APBA1: variants seen among roughly 807,000 people sequenced by gnomAD.
The protein encoded by APBA1 is amyloid-beta A4 precursor protein-binding family A member 1.
Under a neutral mutation model 86.6 loss-of-function variants are expected in APBA1, and 55 were observed. The ratio of observed to expected loss-of-function variants is 0.64; its 90% confidence interval spans 0.51 to 0.80. The LOEUF (loss-of-function observed/expected upper bound fraction) is 0.80. Ranked by LOEUF, APBA1 falls within the 30% of genes least tolerant of loss-of-function variation. The probability of loss-of-function intolerance (pLI) is 0.00; values close to 1 mark genes in which losing one functional copy is unlikely to be tolerated. For synonymous variants in APBA1, 511 were observed against 493.9 expected (o/e 1.03, Z -0.46); for missense variants, 1,090 against 1,183.0 (o/e 0.92, Z 1.15).
chr9:69,467,988 A>T lies in APBA1; in HGVS notation c.1337-20T>A. ...CCGGAACTGTAACACATAGAGCCAC[A>T]GTGAGGAAGCCATCCTGGGGTGGGG... On this transcript the variant is annotated intron_variant, in intron 4 of 12. Coordinates refer to ENST00000265381, the MANE Select transcript of APBA1 (RefSeq NM_001163.4). The T allele has an allele frequency of 6.2e-7, 1 of 1,611,256 alleles. No homozygotes were observed.
At position 69,456,169 on chromosome 9, in the gene APBA1, T is replaced by C; in HGVS notation, c.1788+78A>G. On this transcript the variant is annotated intron_variant, in intron 8 of 12. Coordinates refer to ENST00000265381, the MANE Select transcript of APBA1 (RefSeq NM_001163.4). ...GCACAATAAATACATGCATCATGTG[T>C]GATGAATTAGACTGAATCAGGTTCT... 3 of 1,455,410 alleles carry C rather than the reference T, an allele frequency of 2.1e-6. No homozygotes were observed. The East Asian group carries it at 6.8e-5, about 33-fold the overall frequency. 90.2% of individuals were successfully genotyped at this position (1,455,410 alleles called of 1,614,324 possible).
intron 10 of APBA1, among the ~76,000 whole-genome samples, chr9:69,444,172 T>C (rs1307807044): frequency 6.6e-6 from 1 of 152,218 alleles, no homozygotes; most frequent in Non-Finnish European, 1.5e-5. Flanking sequence ...CGATGTACCA[T>C]GCGACTTAGC....
At chr9:69,622,970 A>C (rs1198478515) in intron 1 of APBA1, among the ~76,000 whole-genome samples, 1 of 152,212 alleles carries the variant, frequency 6.6e-6, no homozygotes, top group Non-Finnish European at 1.5e-5. Flanking sequence ...CAGAATCTGC[A>C]AGAATGACTT....
At chr9:69,660,906 T>C (rs759069073) in intron 1 of APBA1, among the ~76,000 whole-genome samples, 8 of 151,932 alleles carry the variant, frequency 5.3e-5, no homozygotes, top group Admixed American at 6.6e-5. Flanking sequence ...GAATCCAGAG[T>C]GGTACAAAGC....
intron 1 of APBA1, among the ~76,000 whole-genome samples, chr9:69,597,224 A>G (rs530447885): frequency 1.3e-5 from 2 of 152,254 alleles, no homozygotes; most frequent in South Asian, 4.1e-4. Flanking sequence ...GGTGTGAGAT[A>G]GTATCTCATT....
chr9:69,549,703 T>A (rs1302464750), intron 1 of APBA1, among the ~76,000 whole-genome samples: 1 of 152,072 alleles, frequency 6.6e-6, no homozygotes, highest in African/African-American at 2.4e-5. Flanking sequence ...TTATAAAGTG[T>A]CCGAGGAAGA....
chr9:69,636,227 A>G (rs1322362313), intron 1 of APBA1, among the ~76,000 whole-genome samples: 1 of 152,260 alleles, frequency 6.6e-6, no homozygotes, highest in African/African-American at 2.4e-5. Context: ...AATGACTTTT[A>G]TCCAAAAGAC....
rs374444510 is a variant in APBA1 at position 69,577,275 on chromosome 9, G to A, written c.-69-59996C>T. 1.9e-3 allele frequency among the ~76,000 whole-genome samples: 289 copies of A among 152,218 alleles called. 2 individuals carry two copies. Among genetic ancestry groups the A allele is most frequent in the South Asian group, 0.013 (61 of 4,820 alleles). The stretch of plus-strand genomic sequence containing the variant: ...ATTTTATTGAGTAAATAATCAACTT[G>A]GTCTATGTGAAGAAAATATTGAGTC... On this transcript the variant is annotated intron_variant, in intron 1 of 12. Transcript: ENST00000265381.
At chr9:69,652,384 G>A (rs1823523368) in intron 1 of APBA1, among the ~76,000 whole-genome samples, 1 of 152,118 alleles carries the variant, frequency 6.6e-6, no homozygotes, top group African/African-American at 2.4e-5. Context: ...AGGGGTACAG[G>A]GAGGGGGATA....
At chr9:69,501,715 C>T (rs990218389) in intron 2 of APBA1, among the ~76,000 whole-genome samples, 1 of 151,422 alleles carries the variant, frequency 6.6e-6, no homozygotes, top group Non-Finnish European at 1.5e-5. Flanking sequence ...GTAGCCCTAG[C>T]TAGTAGGTAG....
At chr9:69,581,663 C>T (rs6559643) in intron 1 of APBA1, among the ~76,000 whole-genome samples, 45,044 of 151,988 alleles carry the variant, frequency 0.3, 6,938 homozygotes, top group South Asian at 0.41. Context: ...GAAGAATATT[C>T]CCCACTGACA....
chr9:69,671,337 T>C (rs888601), intron 1 of APBA1, among the ~76,000 whole-genome samples: 148,372 of 152,218 alleles, frequency 0.97, 72,420 homozygotes, highest in East Asian at 1. Flanking sequence ...ACCAGGTACA[T>C]TAGCAAGCCC....
intron 11 of APBA1, among the ~76,000 whole-genome samples, chr9:69,439,632 A>G (rs113838005): frequency 6.6e-6 from 1 of 152,166 alleles, no homozygotes; most frequent in African/African-American, 2.4e-5. Context: ...TTTCAGCTCC[A>G]TCAGGTCCTT....
At chr9:69,634,834 C>A (rs1376784026) in intron 1 of APBA1, among the ~76,000 whole-genome samples, 6 of 12,446 alleles carry the variant, frequency 4.8e-4, no homozygotes, top group Admixed American at 4.5e-3. Context: ...ATTTAAAGTG[C>A]AGAAGGAAAA....
chr9:69,630,585 C>T lies in APBA1; in HGVS notation c.-70+41568G>A, dbSNP rs578239618. On this transcript the variant is annotated intron_variant, in intron 1 of 12. Transcript: ENST00000265381. ...TTACTCCAATTGGATCACTCCCCAA[C>T]ACTTCTCTTGAAGGTCACCAATGAT... Among the ~76,000 whole-genome samples the T allele has an allele frequency of 3.9e-4, 59 of 152,126 alleles. 3 individuals are homozygous for T. Among genetic ancestry groups the T allele is most frequent in the Non-Finnish European group, 1.5e-5 (1 of 68,016 alleles).
intron 11 of APBA1, among the ~76,000 whole-genome samples, chr9:69,434,135 C>A (rs1834653945): frequency 6.6e-6 from 1 of 152,222 alleles, no homozygotes; most frequent in African/African-American, 2.4e-5. Flanking sequence ...ACTGTGGGAA[C>A]TGAGCCGGCC....
rs576364807 is a variant in APBA1 at position 69,453,589 on chromosome 9, T to C, written c.1789-1288A>G. 2.0e-5 allele frequency among the ~76,000 whole-genome samples: 3 copies of C among 152,382 alleles called. No homozygotes were observed. In the South Asian group the frequency reaches 6.2e-4, roughly 32 times the overall value. On this transcript the variant is annotated intron_variant, in intron 8 of 12. Transcript: ENST00000265381. Reference sequence around the variant, plus strand: ...TCACTGAATCTGCATATCGATTCTATGACAGCTATTAGTATGACTGGTCCA... The same window carrying C: ...TCACTGAATCTGCATATCGATTCTACGACAGCTATTAGTATGACTGGTCCA...
intron 1 of APBA1, among the ~76,000 whole-genome samples, chr9:69,654,547 T>C (rs1823571978): frequency 6.6e-6 from 1 of 152,018 alleles, no homozygotes; most frequent in Non-Finnish European, 1.5e-5. Context: ...AGTAATGAGA[T>C]TGAAGCAGTA....
intron 1 of APBA1, among the ~76,000 whole-genome samples, chr9:69,556,792 T>A (rs151338631): frequency 6.6e-6 from 1 of 152,194 alleles, no homozygotes; most frequent in East Asian, 1.9e-4. Context: ...ATATCTAATG[T>A]GCAGAGGCAG....
Sources: allele counts gnomAD v4.1 joint callset (sites outside exome capture counted in the v4.1 genomes callset), GRCh38; gene constraint gnomAD v4.1.1; transcripts MANE v1.5; gene names NCBI Gene and HGNC (gene_info 2026-07-23, HGNC 2026-07-21).